Variants in ADD2 observed in about 807,000 individuals in gnomAD.
The protein encoded by ADD2 is beta-adducin.
Under a neutral mutation model 83.0 loss-of-function variants are expected in ADD2, and 23 were observed. That is an observed-to-expected ratio of 0.28 (90% CI 0.20 to 0.39). ADD2 has a LOEUF of 0.39. Ranked by LOEUF, ADD2 falls within the 10% of genes least tolerant of loss-of-function variation. ADD2 has a pLI of 1.00. For missense variants in ADD2, 758 were observed against 944.9 expected, an observed-to-expected ratio of 0.80 and a Z score of 2.59; for synonymous variants, 375 against 375.4, an observed-to-expected ratio of 1.00 and a Z score of 0.01.
Position 70,695,935 on chromosome 2 carries a change from C to A in ADD2, c.475-134G>T, listed in dbSNP as rs193269342. 1.5e-3 allele frequency: 1,141 copies of A among 773,442 alleles called. 9 individuals are homozygous for A. Among genetic ancestry groups the A allele is most frequent in the Non-Finnish European group, 1.1e-3 (510 of 474,642 alleles). 47.9% of individuals were successfully genotyped at this position (773,442 alleles called of 1,614,324 possible). On this transcript the variant is annotated intron_variant, in intron 5 of 15. Transcript: ENST00000264436. Reference sequence around the variant, plus strand: ...TCTAATGAACCCTTATCTCTCCCCCCCAGCCATAAGAGATAAAAAGAACTC... The same window carrying A: ...TCTAATGAACCCTTATCTCTCCCCCACAGCCATAAGAGATAAAAAGAACTC...
At position 70,676,637 on chromosome 2, in the gene ADD2, T is replaced by A. The variant is rs1207690186; in HGVS notation, c.1593+159A>T. On this transcript the variant is annotated intron_variant, in intron 13 of 15. Transcript: ENST00000264436. The surrounding 1 kb of genome is among the most constrained non-coding windows in gnomAD (Gnocchi z 4.8). Reference sequence around the variant, plus strand: ...TCCTCCCTGGTCCTCACAGCACCCCTGTGAGGTTGGCCTCCATTTTGCAGC... The same window carrying A: ...TCCTCCCTGGTCCTCACAGCACCCCAGTGAGGTTGGCCTCCATTTTGCAGC... 5 of 1,479,576 alleles carry A rather than the reference T, an allele frequency of 3.4e-6. No individual in the cohort carries two copies. The highest frequency in any genetic ancestry group is 4.5e-6 in the Non-Finnish European group (5 of 1,107,172). The allele number at this position is 1,479,576 out of a possible 1,614,324, so 91.7% of individuals were successfully genotyped here.
At chr2:70,709,915 C>T (rs1215831768) in intron 2 of ADD2, among the ~76,000 whole-genome samples, 2 of 152,184 alleles carry the variant, frequency 1.3e-5, no homozygotes, top group Non-Finnish European at 2.9e-5. Context: ...GAAGGGATGA[C>T]AAAGTCAAAC....
At chr2:70,728,176 C>CA (rs1220009633) in intron 1 of ADD2, among the ~76,000 whole-genome samples, 1 of 152,190 alleles carries the variant, frequency 6.6e-6, no homozygotes, top group Admixed American at 6.5e-5. Flanking sequence ...TTCTGCTGGT[C>CA]ACTCTTGTCC....
rs782781435 is a variant in ADD2, at chr2:70,706,178, G to A, written c.183+48C>T. ...CTTTCGGGTGGGTACACGTCCTGAAGAGCCAGCGCCCCCTGCGCCCTCTCC... is the reference window on the plus strand; with the variant it reads ...CTTTCGGGTGGGTACACGTCCTGAAAAGCCAGCGCCCCCTGCGCCCTCTCC... On this transcript the variant is annotated intron_variant, in intron 3 of 15. Coordinates refer to ENST00000264436, the MANE Select transcript of ADD2 (RefSeq NM_001617.4). This position sits in a 1 kb window ranked among gnomAD's most constrained non-coding sequence, Gnocchi z 5.0. The A allele has an allele frequency of 1.3e-6, 2 of 1,593,444 alleles. No individual in the cohort carries two copies. The highest frequency in any genetic ancestry group is 2.2e-5 in the East Asian group (1 of 44,542).
intron 12 of ADD2, 45 bp downstream of exon 12, chr2:70,677,713 C>G: frequency 6.2e-7 from 1 of 1,602,318 alleles, no homozygotes; most frequent in African/African-American, 1.3e-5. Context: ...CCTGAGACCC[C>G]CCAGTGTGGG....
intron 1 of ADD2, among the ~76,000 whole-genome samples, chr2:70,751,333 C>A (rs2104530255): frequency 6.6e-6 from 1 of 152,240 alleles, no homozygotes; most frequent in African/African-American, 2.4e-5. Flanking sequence ...GCTTAGGGTA[C>A]CTTGTTAGCT....
At chr2:70,674,390 T>C (rs1558522011) in intron 14 of ADD2, among the ~76,000 whole-genome samples, 1 of 152,206 alleles carries the variant, frequency 6.6e-6, no homozygotes, top group Admixed American at 6.5e-5. Flanking sequence ...ATCATTATTA[T>C]AGCTAAAATT....
At chr2:70,750,272 G>A (rs532490270) in intron 1 of ADD2, among the ~76,000 whole-genome samples, 35 of 152,084 alleles carry the variant, frequency 2.3e-4, no homozygotes, top group Non-Finnish European at 3.4e-4. Flanking sequence ...CTTTCCAGGA[G>A]GTACAAACAT....
chr2:70,764,606 C>T (rs2863801), intron 1 of ADD2, among the ~76,000 whole-genome samples: 105,077 of 151,830 alleles, frequency 0.69, 38,014 homozygotes, highest in East Asian at 0.92. Flanking sequence ...CACATTTTTA[C>T]TGCTAATTAT....
At chr2:70,695,525 C>A (rs1671263713) in intron 6 of ADD2, among the ~76,000 whole-genome samples, 196 bp downstream of exon 6, 1 of 152,192 alleles carries the variant, frequency 6.6e-6, no homozygotes, top group Admixed American at 6.5e-5. Flanking sequence ...GCACTTGCCA[C>A]CTCCTCCTGG....
chr2:70,674,530 G>T, intron 14 of ADD2, 148 bp downstream of exon 14: 1 of 855,518 alleles, frequency 1.2e-6, no homozygotes, highest in Non-Finnish European at 1.8e-6. Context: ...GTCAGGAACA[G>T]AGCAATGAAG....
Position 70,706,417 on chromosome 2 carries a change from T to C in ADD2, c.-9A>G, listed in dbSNP as rs782756675. 1.3e-6 allele frequency: 2 copies of C among 1,599,528 alleles called. No individual in the cohort carries two copies. The highest frequency in any genetic ancestry group is 1.7e-6 in the Non-Finnish European group (2 of 1,173,902). The stretch of plus-strand genomic sequence containing the variant: ...ACCGTCTCTTCGCTCATTTTCCCGG[T>C]GGGTTTGCAATTCGCTCCTGGAACT... On this transcript the variant is annotated 5_prime_UTR_variant, in exon 3 of 16. Transcript: ENST00000264436. The surrounding 1 kb of genome is among the most constrained non-coding windows in gnomAD (Gnocchi z 5.0).
intron 2 of ADD2, 73 bp downstream of exon 2, chr2:70,712,993 G>T: frequency 1.7e-6 from 1 of 575,012 alleles, no homozygotes; most frequent in Non-Finnish European, 2.2e-6. Context: ...GGCCTTGTCT[G>T]TACCTCACGT....
At position 70,695,800 on chromosome 2, in the gene ADD2, A is replaced by C. The variant is rs1553372505; in HGVS notation, c.476T>G (p.Leu159Trp). ...GTGGTCCTGCTCCTTGCTGACTCTC[A>C]ACTGGAGGAAAGACACAAGTTCTCA... is the stretch of plus-strand genomic sequence containing the variant. ...WAQLSDTYVTLRVSKEQDHFL... is the reference protein window; with the variant it reads ...WAQLSDTYVTWRVSKEQDHFL... Residue 159 changes from leucine to tryptophan, a missense_variant and splice_region_variant, in exon 6 of 16, where the codon TTG becomes TGG. Transcript: ENST00000264436. 6.8e-6 allele frequency: 11 copies of C among 1,613,888 alleles called. No individual in the cohort carries two copies. The highest frequency in any genetic ancestry group is 9.3e-6 in the Non-Finnish European group (11 of 1,179,894).
intron 1 of ADD2, among the ~76,000 whole-genome samples, chr2:70,736,179 C>T (rs1673549155): frequency 6.6e-6 from 1 of 152,112 alleles, no homozygotes; most frequent in South Asian, 2.1e-4. Flanking sequence ...ACCTGTCTCC[C>T]ATCACATAAA....
At chr2:70,713,426 T>C (rs1464540553) in intron 1 of ADD2, among the ~76,000 whole-genome samples, 8 of 152,044 alleles carry the variant, frequency 5.3e-5, no homozygotes, top group African/African-American at 1.9e-4. Context: ...TCCAGGCCAA[T>C]ATGGTGAAAC....
intron 15 of ADD2, among the ~76,000 whole-genome samples, chr2:70,669,265 C>T (rs1669801940): frequency 6.6e-6 from 1 of 151,356 alleles, no homozygotes; most frequent in Non-Finnish European, 1.5e-5. Flanking sequence ...GAAAGAATCA[C>T]CCAGAGAGCT....
chr2:70,696,929 G>A (rs1671341019), intron 4 of ADD2, among the ~76,000 whole-genome samples: 1 of 152,172 alleles, frequency 6.6e-6, no homozygotes, highest in African/African-American at 2.4e-5. Context: ...GGGAGGTCGA[G>A]GCGGGCGGAT....
At chr2:70,678,286 T>A (rs1670279511) in intron 11 of ADD2, among the ~76,000 whole-genome samples, 1 of 152,162 alleles carries the variant, frequency 6.6e-6, no homozygotes, top group Non-Finnish European at 1.5e-5. Flanking sequence ...AGCCTGTGGG[T>A]GGGGACAGGG....
Sources: gnomAD v4.1 joint callset for allele counts (sites outside exome capture counted in the v4.1 genomes callset) on GRCh38, gnomAD v4.1.1 for gene constraint, Gnocchi (gnomAD v3.1) non-coding constraint, MANE v1.5 for transcripts, NCBI Gene and HGNC (gene_info 2026-07-23, HGNC 2026-07-21) for gene names.